The following AKAP13 variants were observed in gnomAD, a reference collection of about 807,000 sequenced individuals.
AKAP13 encodes A-kinase anchor protein 13.
Under a neutral mutation model 264.5 loss-of-function variants are expected in AKAP13, and 80 were observed. The ratio of observed to expected loss-of-function variants is 0.30; its 90% CI spans 0.25 to 0.36. AKAP13 has a LOEUF of 0.36. Ranked by LOEUF, AKAP13 falls within the 10% of genes least tolerant of loss-of-function variation. The probability of loss-of-function intolerance (pLI) is 1.00; values close to 1 mark genes in which losing one functional copy is unlikely to be tolerated. For synonymous variants in AKAP13, 1,380 were observed against 1,250.2 expected, an observed-to-expected ratio of 1.10 and a Z score of -2.19; for missense variants, 3,712 against 3,435.2, an observed-to-expected ratio of 1.08 and a Z score of -2.01.
At position 85,579,250 on chromosome 15, in the gene AKAP13, A is replaced by G. The variant is rs1009469550; in HGVS notation, c.1182A>G (p.Val394=). The G allele has an allele frequency of 4.8e-5, 78 of 1,614,104 alleles. No homozygotes were observed. Among genetic ancestry groups the G allele is most frequent in the Non-Finnish European group, 5.9e-5 (70 of 1,180,038 alleles). The part of the protein sequence containing the change: ...EPAPIVDSGT[V]SDQDSCLQSL... ...CACCTATTGTGGACTCTGGAACTGT[A>G]TCTGATCAAGACAGCTGCCTTCAGA... is the stretch of plus-strand genomic sequence containing the variant. Residue 394 remains valine, a synonymous_variant, in exon 7 of 37, where the codon GTA becomes GTG. Transcript: ENST00000394518.
At chr15:85,418,593 A>G (rs558411030) in intron 1 of AKAP13, among the ~76,000 whole-genome samples, 1 of 152,326 alleles carries the variant, frequency 6.6e-6, no homozygotes, top group East Asian at 1.9e-4. Context: ...CATGTTGTTG[A>G]ATTATTTAAG....
intron 2 of AKAP13, among the ~76,000 whole-genome samples, chr15:85,496,363 G>A (rs1046571661): frequency 1.3e-5 from 2 of 152,100 alleles, no homozygotes; most frequent in Non-Finnish European, 2.9e-5. Flanking sequence ...TGGACTTTGC[G>A]CGTAGATTAA....
chr15:85,655,626 T>A lies in AKAP13; in HGVS notation c.4584T>A (p.Ala1528=). Residue 1528 remains alanine, a synonymous_variant, in exon 11 of 37, where the codon GCT becomes GCA. Coordinates refer to ENST00000394518, the MANE Select transcript of AKAP13 (RefSeq NM_007200.5). Reference sequence around the variant, plus strand: ...GTCGAGAAAGTGAGAGTGAGCCTGCTGACCCAGGCGACGTGGAGGAGGAGG... The same window carrying A: ...GTCGAGAAAGTGAGAGTGAGCCTGCAGACCCAGGCGACGTGGAGGAGGAGG... ...AEGRESESEP[A]DPGDVEEEEM... The A allele has an allele frequency of 1.2e-6, 2 of 1,614,238 alleles. No individual in the cohort carries two copies. Among genetic ancestry groups the A allele is most frequent in the Non-Finnish European group, 1.7e-6 (2 of 1,180,038 alleles).
chr15:85,402,198 T>C (rs2071455916), intron 1 of AKAP13, among the ~76,000 whole-genome samples: 1 of 152,100 alleles, frequency 6.6e-6, no homozygotes, highest in East Asian at 1.9e-4. Flanking sequence ...CCAAGTGAGA[T>C]TGGGGAGGGC....
rs866811427 is a variant in AKAP13 at position 85,439,294 on chromosome 15, G to A, written c.-11-46416G>A. On this transcript the variant is annotated intron_variant, in intron 1 of 36. Coordinates refer to ENST00000394518, the MANE Select transcript of AKAP13 (RefSeq NM_007200.5). Reference sequence around the variant, plus strand: ...GATACCATCTCACACCAGTTAGAATGGCAATCATTAAAAAGTCAGGAAACA... The same window carrying A: ...GATACCATCTCACACCAGTTAGAATAGCAATCATTAAAAAGTCAGGAAACA... 8.3e-3 allele frequency among the ~76,000 whole-genome samples: 1,210 copies of A among 145,874 alleles called. 18 individuals are homozygous for A. The highest frequency in any genetic ancestry group is 0.029 in the African/African-American group (1,159 of 39,536).
At chr15:85,394,154 G>A (rs935060701) in intron 1 of AKAP13, among the ~76,000 whole-genome samples, 1 of 152,222 alleles carries the variant, frequency 6.6e-6, no homozygotes, top group African/African-American at 2.4e-5. Flanking sequence ...GTTCATTTTA[G>A]TAGTACTGAA....
intron 10 of AKAP13, among the ~76,000 whole-genome samples, chr15:85,649,946 C>A (rs1248314207): frequency 6.6e-6 from 1 of 151,902 alleles, no homozygotes; most frequent in Non-Finnish European, 1.5e-5. Flanking sequence ...AAATCAAGGT[C>A]CTTCCATGTT....
intron 17 of AKAP13, among the ~76,000 whole-genome samples, chr15:85,694,797 A>G (rs888662587): frequency 2.0e-5 from 3 of 152,240 alleles, no homozygotes; most frequent in Non-Finnish European, 4.4e-5. Flanking sequence ...GGTAATTAAC[A>G]TGATACTATA....
At chr15:85,512,058 C>G (rs761619352) in intron 2 of AKAP13, among the ~76,000 whole-genome samples, 1 of 143,842 alleles carries the variant, frequency 7.0e-6, no homozygotes, top group Non-Finnish European at 1.5e-5. Context: ...TTTTTTTTTT[C>G]TTCGTCGCCT....
intron 2 of AKAP13, among the ~76,000 whole-genome samples, 159 bp from the exon 3 acceptor site, chr15:85,521,269 T>C (rs2076813709): frequency 6.6e-6 from 1 of 152,254 alleles, no homozygotes; most frequent in Non-Finnish European, 1.5e-5. Context: ...GATTGCCTGG[T>C]GTATAAGTGC....
chr15:85,715,718 A>G (rs906687590), intron 19 of AKAP13, 70 bp from the exon 20 acceptor site: 9 of 1,287,472 alleles, frequency 7.0e-6, no homozygotes, highest in Non-Finnish European at 9.5e-6. Context: ...TCTGCTTGTT[A>G]TTTGTCAGAT....
intron 2 of AKAP13, among the ~76,000 whole-genome samples, chr15:85,521,123 A>T (rs911066431): frequency 6.6e-6 from 1 of 152,054 alleles, no homozygotes; most frequent in African/African-American, 2.4e-5. Flanking sequence ...TCCCCTTTTT[A>T]ACCCATTCAT....
intron 2 of AKAP13, among the ~76,000 whole-genome samples, chr15:85,489,320 G>T (rs1049891264): frequency 6.6e-6 from 1 of 152,216 alleles, no homozygotes; most frequent in Non-Finnish European, 1.5e-5. Context: ...ATTGACTTGA[G>T]CAGGCTCTAC....
At chr15:85,658,704 T>C in intron 12 of AKAP13, 114 bp downstream of exon 12, 1 of 815,100 alleles carries the variant, frequency 1.2e-6, no homozygotes, top group Admixed American at 2.6e-5. Context: ...TAATGTCCCA[T>C]CTAATTCAGG....
At position 85,579,955 on chromosome 15, in the gene AKAP13, A is replaced by C. The variant is rs1441909983; in HGVS notation, c.1887A>C (p.Val629=). 6.2e-7 allele frequency: 1 copy of C among 1,614,182 alleles called. No homozygotes were observed. The highest frequency in any genetic ancestry group is 1.1e-5 in the South Asian group (1 of 91,080). Residue 629 remains valine, a synonymous_variant, in exon 7 of 37, where the codon GTA becomes GTC. Coordinates refer to ENST00000394518, the MANE Select transcript of AKAP13 (RefSeq NM_007200.5). ...DLALLGLEED[V]MPHQNSETNS... is the part of the protein sequence containing the mutation. ...CCCTTCTTGGGCTGGAAGAAGATGT[A>C]ATGCCACACCAGAACTCAGAAACAA...
At chr15:85,582,805 A>G (rs1184873595) in intron 7 of AKAP13, 2 of 913,580 alleles carry the variant, frequency 2.2e-6, no homozygotes, top group African/African-American at 3.6e-5. Flanking sequence ...AGTGCAGGGG[A>G]TAGGATGCAG....
chr15:85,565,825 A>G (rs939936273), intron 5 of AKAP13, among the ~76,000 whole-genome samples: 2 of 152,186 alleles, frequency 1.3e-5, no homozygotes, highest in African/African-American at 2.4e-5. Flanking sequence ...TAGCCACTCT[A>G]TTTCTGCATA....
intron 1 of AKAP13, among the ~76,000 whole-genome samples, chr15:85,382,767 T>G (rs2070356133): frequency 6.6e-6 from 1 of 152,248 alleles, no homozygotes. Flanking sequence ...TATTTAGCTT[T>G]TTACCCTCTT....
chr15:85,740,341 C>G (rs1239413391), intron 34 of AKAP13, 69 bp downstream of exon 34: 5 of 1,572,256 alleles, frequency 3.2e-6, no homozygotes, highest in East Asian at 4.5e-5. Context: ...CTGTTGTTGA[C>G]TTGGATCTTT....
Sources: allele counts gnomAD v4.1 joint callset (sites outside exome capture counted in the v4.1 genomes callset), GRCh38; gene constraint gnomAD v4.1.1; transcripts MANE v1.5; gene names NCBI Gene and HGNC (gene_info 2026-07-23, HGNC 2026-07-21).